The following PGM5 variants were observed in gnomAD, a reference collection of about 807,000 sequenced individuals.
The protein encoded by PGM5 is phosphoglucomutase-like protein 5.
In PGM5, 23 loss-of-function variants were observed where a neutral mutation model predicts 59.2. The ratio of observed to expected loss-of-function variants is 0.39; its 90% CI spans 0.28 to 0.55. PGM5 has a LOEUF of 0.55. Among genes scored for constraint, PGM5 ranks in the 20% least tolerant of loss-of-function variants. The pLI is 0.66. For missense variants in PGM5, 574 were observed against 748.3 expected, an observed-to-expected ratio of 0.77 and a Z score of 2.72; for synonymous variants, 214 against 286.0, an observed-to-expected ratio of 0.75 and a Z score of 2.54.
chr9:68,520,116 C>T (rs1301456164), intron 10 of PGM5, among the ~76,000 whole-genome samples: 3 of 147,886 alleles, frequency 2.0e-5, no homozygotes, highest in Non-Finnish European at 4.5e-5. Flanking sequence ...CAACTATAAG[C>T]TCGTTATAAA....
Position 68,357,190 on chromosome 9 carries a change from G to T in PGM5, c.63G>T (p.Pro21=). 1 of 1,539,734 alleles carries T rather than the reference G, an allele frequency of 6.5e-7. No homozygotes were observed. Among genetic ancestry groups the T allele is most frequent in the South Asian group, 1.2e-5 (1 of 83,878 alleles). Residue 21 remains proline (P), a synonymous_variant, in exon 1 of 11, where the codon CCG becomes CCT. Transcript: ENST00000396396. ...CCGCGCCCTACGAGGACCAGCGGCC[G>T]GCCGGCGGCGGGGGTCTGCGGCGAC... The part of the protein sequence containing the change: ...VPTAPYEDQR[P]AGGGGLRRPT...
At chr9:68,501,004 C>T (rs1368576842) in intron 10 of PGM5, among the ~76,000 whole-genome samples, 1 of 151,990 alleles carries the variant, frequency 6.6e-6, no homozygotes, top group East Asian at 1.9e-4. Flanking sequence ...CTGAAAGTCT[C>T]CATCAGCCTA....
At chr9:68,523,220 C>T (rs1824924381) in intron 10 of PGM5, among the ~76,000 whole-genome samples, 1 of 152,148 alleles carries the variant, frequency 6.6e-6, no homozygotes, top group African/African-American at 2.4e-5. Flanking sequence ...GCAAACAATG[C>T]AGCCTGGGTT....
At position 68,437,601 on chromosome 9, in the gene PGM5, T is replaced by TCACACACACACACACACACACA. The variant is rs1823460712; in HGVS notation, c.1044-27491_1044-27490insACACACACACACACACACACAC. On this transcript the variant is annotated intron_variant, in intron 6 of 10. Coordinates refer to ENST00000396396, the MANE Select transcript of PGM5 (RefSeq NM_021965.4). The surrounding 1 kb of genome is among the most constrained non-coding windows in gnomAD (Gnocchi z 4.1). The stretch of plus-strand genomic sequence containing the variant: ...CTCACACACACACACACACACACAC[T>TCACACACACACACACACACACA]CTCACACATTTTACCCACACATGCA... Among the ~76,000 whole-genome samples, 1 of 130,348 alleles carries TCACACACACACACACACACACA rather than the reference T, an allele frequency of 7.7e-6. No individual in the cohort carries two copies. The highest frequency in any genetic ancestry group is 3.8e-5 in the African/African-American group (1 of 26,656). The allele number at this position is 130,348 out of a possible 152,430, so 85.5% of individuals were successfully genotyped here.
chr9:68,458,123 TC>T (rs1823806799), intron 6 of PGM5, among the ~76,000 whole-genome samples: 3 of 152,180 alleles, frequency 2.0e-5, no homozygotes, highest in Admixed American at 2.0e-4. Context: ...GATGTAGGGG[TC>T]CAGATTATTT....
intron 6 of PGM5, among the ~76,000 whole-genome samples, chr9:68,431,546 T>C (rs1220936312): frequency 6.6e-6 from 1 of 152,172 alleles, no homozygotes; most frequent in African/African-American, 2.4e-5. Flanking sequence ...TTAGTTTACT[T>C]TGTTGAACTT....
intron 9 of PGM5, among the ~76,000 whole-genome samples, chr9:68,489,287 C>A (rs527596780): frequency 6.6e-6 from 1 of 152,212 alleles, no homozygotes; most frequent in African/African-American, 2.4e-5. Context: ...TGAGAGACAG[C>A]ATATTTCCAC....
At chr9:68,465,395 T>C (rs1188472961) in intron 7 of PGM5, among the ~76,000 whole-genome samples, 187 bp downstream of exon 7, 1 of 152,248 alleles carries the variant, frequency 6.6e-6, no homozygotes, top group African/African-American at 2.4e-5. Context: ...TTCTTCTTTT[T>C]AGAAATTTCT....
chr9:68,457,435 C>A (rs1358434249), intron 6 of PGM5, among the ~76,000 whole-genome samples: 2 of 152,190 alleles, frequency 1.3e-5, no homozygotes, highest in Admixed American at 1.3e-4. Context: ...CACAGAATTA[C>A]TCTGTTACTC....
At chr9:68,488,869 A>G (rs552971931) in intron 9 of PGM5, among the ~76,000 whole-genome samples, 1 of 152,322 alleles carries the variant, frequency 6.6e-6, no homozygotes, top group Non-Finnish European at 1.5e-5. Flanking sequence ...GAAAAAAATA[A>G]GCCTATAGCT....
At chr9:68,443,354 T>G (rs1554683798) in intron 6 of PGM5, among the ~76,000 whole-genome samples, 1 of 152,100 alleles carries the variant, frequency 6.6e-6, no homozygotes, top group East Asian at 1.9e-4. Flanking sequence ...TGCCAGGGGC[T>G]AGGGGTGGAG....
intron 1 of PGM5, chr9:68,371,651 CTA>C (rs1821735666): frequency 7.5e-6 from 1 of 133,532 alleles, no homozygotes; most frequent in Non-Finnish European, 1.6e-5. Flanking sequence ...ATGATTGATC[CTA>C]TGTCAGGGGA....
At chr9:68,364,086 C>T (rs1405249581) in intron 1 of PGM5, among the ~76,000 whole-genome samples, 4 of 152,208 alleles carry the variant, frequency 2.6e-5, no homozygotes, top group African/African-American at 9.7e-5. Context: ...ACTAGTCATG[C>T]CCTTTATTGG....
At chr9:68,358,845 AATG>A (rs1202566127) in intron 1 of PGM5, among the ~76,000 whole-genome samples, 9 of 152,114 alleles carry the variant, frequency 5.9e-5, no homozygotes, top group African/African-American at 2.2e-4. Flanking sequence ...TCCAGTAGAC[AATG>A]ATGCTGGATA....
At chr9:68,490,242 A>G (rs1824367504) in intron 9 of PGM5, among the ~76,000 whole-genome samples, 1 of 152,262 alleles carries the variant, frequency 6.6e-6, no homozygotes, top group Non-Finnish European at 1.5e-5. Context: ...AAGCAACTGA[A>G]TCATATCAAC....
At chr9:68,379,354 C>T (rs1554678129) in intron 2 of PGM5, among the ~76,000 whole-genome samples, 1 of 152,108 alleles carries the variant, frequency 6.6e-6, no homozygotes, top group Admixed American at 6.6e-5. Context: ...TATTCCTCAT[C>T]CCAGGCAAAG....
chr9:68,425,372 T>C (rs776372152), intron 6 of PGM5, among the ~76,000 whole-genome samples: 1 of 151,886 alleles, frequency 6.6e-6, no homozygotes. Context: ...GGGTCGAGAG[T>C]GGTAAGGATT....
At chr9:68,427,137 G>A (rs540326798) in intron 6 of PGM5, among the ~76,000 whole-genome samples, 1 of 152,314 alleles carries the variant, frequency 6.6e-6, no homozygotes, top group South Asian at 2.1e-4. Flanking sequence ...CATCAGCCTA[G>A]CAAGCAGAGC....
chr9:68,488,280 C>A (rs1013950926), intron 9 of PGM5, among the ~76,000 whole-genome samples: 4 of 152,078 alleles, frequency 2.6e-5, no homozygotes, highest in African/African-American at 9.7e-5. Context: ...CTTTAGAAAG[C>A]GAAAGGTTTT....
Sources: allele counts gnomAD v4.1 joint callset (sites outside exome capture counted in the v4.1 genomes callset), GRCh38; gene constraint gnomAD v4.1.1; non-coding constraint Gnocchi (gnomAD v3.1); transcripts MANE v1.5; gene names NCBI Gene and HGNC (gene_info 2026-07-23, HGNC 2026-07-21).